The following HADHA variants were observed in gnomAD, a reference collection of about 807,000 sequenced individuals.
HADHA encodes hydroxyacyl-CoA dehydrogenase trifunctional multienzyme complex subunit alpha, also known as trifunctional enzyme subunit alpha, mitochondrial.
HADHA carries 59 observed loss-of-function variants against 91.3 expected under a neutral mutation model. The ratio of observed to expected loss-of-function variants is 0.65; its 90% CI spans 0.52 to 0.80. HADHA has a LOEUF of 0.80. HADHA is among the 30% of genes least tolerant of loss of function. HADHA has a pLI of 0.00. For synonymous variants in HADHA, 320 were observed against 338.9 expected, an observed-to-expected ratio of 0.94 and a Z score of 0.61; for missense variants, 800 against 927.6, an observed-to-expected ratio of 0.86 and a Z score of 1.79.
In HADHA at chr2:26,236,851, T is replaced by G; in HGVS notation, c.314+4A>C. On this transcript the variant is annotated splice_donor_region_variant and intron_variant, in intron 4 of 19. Transcript: ENST00000380649. The stretch of plus-strand genomic sequence containing the variant: ...AAGGTGACTTCAAGTTTCCTAAAAC[T>G]TACTTGATATCAGCACCTGCAATAA... The G allele has an allele frequency of 6.2e-7, 1 of 1,608,360 alleles. No individual in the cohort carries two copies. The highest frequency in any genetic ancestry group is 8.5e-7 in the Non-Finnish European group (1 of 1,176,080).
chr2:26,199,779 G>A (rs1669782252), intron 13 of HADHA, among the ~76,000 whole-genome samples: 1 of 151,906 alleles, frequency 6.6e-6, no homozygotes, highest in Non-Finnish European at 1.5e-5. Flanking sequence ...TTCTGCTTTT[G>A]TTCTCTTGGA....
chr2:26,240,544 T>C (rs1259556019), intron 1 of HADHA, among the ~76,000 whole-genome samples: 2 of 152,116 alleles, frequency 1.3e-5, no homozygotes, highest in East Asian at 1.9e-4. Context: ...AATGAACTGA[T>C]TGGGAATGCA....
At chr2:26,225,914 T>C (rs1374396589) in intron 7 of HADHA, among the ~76,000 whole-genome samples, 6 of 152,068 alleles carry the variant, frequency 3.9e-5, no homozygotes. Context: ...TGTCTTTACT[T>C]ACAGACAACA....
intron 5 of HADHA, among the ~76,000 whole-genome samples, chr2:26,232,822 C>A (rs867734244): frequency 1.3e-5 from 2 of 152,140 alleles, no homozygotes; most frequent in African/African-American, 2.4e-5. Flanking sequence ...GTGAACATCG[C>A]AGAGTGTACT....
chr2:26,237,094 G>C (rs1047492516), intron 3 of HADHA, 106 bp from the exon 4 acceptor site: 1 of 846,844 alleles, frequency 1.2e-6, no homozygotes, highest in African/African-American at 1.7e-5. Context: ...TTATCCGGCA[G>C]AAATATACTG....
intron 11 of HADHA, 118 bp downstream of exon 11, chr2:26,209,662 A>G (rs959747626): frequency 1.3e-6 from 1 of 744,696 alleles, no homozygotes; most frequent in Non-Finnish European, 2.5e-6. Context: ...TGCTCAGGAA[A>G]GAAGTTGAGG....
intron 13 of HADHA, among the ~76,000 whole-genome samples, chr2:26,199,019 C>T (rs1362872652): frequency 4.6e-5 from 7 of 152,014 alleles, no homozygotes; most frequent in South Asian, 2.1e-4. Context: ...CTCAGCCTCC[C>T]GAGTAGCTGG....
At chr2:26,192,448 T>C (rs1414309152) in intron 17 of HADHA, 24 bp from the exon 18 acceptor site, 23 of 1,195,446 alleles carry the variant, frequency 1.9e-5, no homozygotes, top group Non-Finnish European at 2.8e-5. Context: ...GAAAAGGGAG[T>C]GTTACTATTT....
In HADHA at chr2:26,212,591, G is replaced by T. The variant is rs755595692; in HGVS notation, c.954C>A (p.Ala318=). Residue 318 remains alanine (A), a synonymous_variant, in exon 10 of 20, where the codon GCC becomes GCA. Coordinates refer to ENST00000380649, the MANE Select transcript of HADHA (RefSeq NM_000182.5). ...TTACCTGAGATTCACAGAGATAACC[G>T]GCATCACTCCCTTGCTCAATTCCAG... The part of the protein sequence containing the change: ...VKTGIEQGSD[A]GYLCESQKFG... 6.3e-7 allele frequency: 1 copy of T among 1,596,752 alleles called. No homozygotes were observed. The highest frequency in any genetic ancestry group is 1.7e-5 in the Admixed American group (1 of 59,994).
intron 1 of HADHA, among the ~76,000 whole-genome samples, chr2:26,241,646 G>A (rs559740812): frequency 3.3e-5 from 5 of 151,216 alleles, no homozygotes; most frequent in South Asian, 2.1e-4. Context: ...GTGAGACTCC[G>A]TCTCCAAAAA....
chr2:26,217,756 A>C (rs1370900249), intron 7 of HADHA, among the ~76,000 whole-genome samples: 1 of 151,810 alleles, frequency 6.6e-6, no homozygotes, highest in Non-Finnish European at 1.5e-5. Flanking sequence ...TTTTTTTTTT[A>C]ATTAGCTGGG....
chr2:26,201,700 G>A (rs1459964083), intron 12 of HADHA, among the ~76,000 whole-genome samples: 1 of 152,172 alleles, frequency 6.6e-6, no homozygotes, highest in Non-Finnish European at 1.5e-5. Flanking sequence ...ACCTATGACA[G>A]GGGAAGCAGC....
intron 9 of HADHA, among the ~76,000 whole-genome samples, chr2:26,212,892 T>C (rs1670135858): frequency 1.3e-5 from 2 of 152,224 alleles, no homozygotes; most frequent in Admixed American, 6.5e-5. Flanking sequence ...CTCCTGATCT[T>C]CAAATGTAGG....
At chr2:26,216,372 G>A (rs1451969797) in intron 7 of HADHA, among the ~76,000 whole-genome samples, 1 of 142,796 alleles carries the variant, frequency 7.0e-6, no homozygotes, top group Non-Finnish European at 1.5e-5. Flanking sequence ...CTAGGCTGGA[G>A]TGCAGCAGTG....
intron 13 of HADHA, among the ~76,000 whole-genome samples, chr2:26,200,734 T>G (rs960730984): frequency 1.3e-5 from 1 of 75,824 alleles, no homozygotes; most frequent in Non-Finnish European, 2.4e-5. Flanking sequence ...TAACAAAAAG[T>G]CTTTTTTTTT....
At chr2:26,234,887 T>C (rs1461433786) in intron 4 of HADHA, among the ~76,000 whole-genome samples, 1 of 152,216 alleles carries the variant, frequency 6.6e-6, no homozygotes, top group East Asian at 1.9e-4. Flanking sequence ...CTTTGGTAAA[T>C]TACTTCACTA....
rs145422395 is a variant in HADHA, at chr2:26,197,705, T to C, written c.1465A>G (p.Lys489Glu). ...LPISEIAAVS[K>E]RPEKVIGMHY... is the part of the protein sequence containing the mutation. ...TCCGAGTTTACCTTCTCAGGTCTTT[T>C]GCTGACAGCAGCGATTTCACTGATT... Residue 489 changes from lysine (K) to glutamate (E), a missense_variant, in exon 14 of 20, where the codon AAA becomes GAA. Physicochemically the swap from Lys to Glu is moderately conservative, Grantham distance 56. Coordinates refer to ENST00000380649, the MANE Select transcript of HADHA (RefSeq NM_000182.5). The C allele has an allele frequency of 8.2e-5, 121 of 1,483,198 alleles. No homozygotes were observed. The highest frequency in any genetic ancestry group is 8.1e-4 in the East Asian group (36 of 44,334). The allele number at this position is 1,483,198 out of a possible 1,614,324, so 91.9% of individuals were successfully genotyped here. A position where few individuals can be genotyped will look rare whatever the true frequency, so the allele number is the denominator to read the frequency against.
chr2:26,191,590 C>A lies in HADHA; in HGVS notation c.2039G>T (p.Arg680Ile). ...GCACATGACTGCCTCATTCACAAATCTTGTCACCAGGCGGAACTGGATGTC... is the reference window on the plus strand; with the variant it reads ...GCACATGACTGCCTCATTCACAAATATTGTCACCAGGCGGAACTGGATGTC... ...DEDIQFRLVTRFVNEAVMCLQ... is the reference protein window; with the variant it reads ...DEDIQFRLVTIFVNEAVMCLQ... The change falls in exon 19 of 20, where the codon AGA (arginine) becomes ATA (isoleucine). Residue 680 changes from arginine to isoleucine, a missense_variant. Transcript: ENST00000380649. The A allele has an allele frequency of 6.2e-7, 1 of 1,614,142 alleles. No individual in the cohort carries two copies. Among genetic ancestry groups the A allele is most frequent in the Non-Finnish European group, 8.5e-7 (1 of 1,179,988 alleles).
intron 1 of HADHA, among the ~76,000 whole-genome samples, chr2:26,241,437 T>G (rs1368664146): frequency 1.3e-5 from 2 of 148,990 alleles, no homozygotes; most frequent in Non-Finnish European, 3.0e-5. Flanking sequence ...CTGGCTGACA[T>G]GGCGAAACCC....
Sources: gnomAD v4.1 joint callset for allele counts (sites outside exome capture counted in the v4.1 genomes callset) on GRCh38, gnomAD v4.1.1 for gene constraint, MANE v1.5 for transcripts, NCBI Gene and HGNC (gene_info 2026-07-23, HGNC 2026-07-21) for gene names.